Variants in CSNK1A1 observed in about 807,000 individuals in gnomAD.
CSNK1A1 encodes the protein casein kinase I isoform alpha.
Under a neutral mutation model 46.1 loss-of-function variants are expected in CSNK1A1, and 7 were observed. The observed-to-expected ratio is 0.15, with a 90% confidence interval of 0.09 to 0.29. The LOEUF is 0.29. CSNK1A1 is among the 10% of genes least tolerant of loss of function. The pLI is 1.00. For missense variants in CSNK1A1, 96 were observed against 417.1 expected, an observed-to-expected ratio of 0.23 and a Z score of 6.71; for synonymous variants, 137 against 141.5, an observed-to-expected ratio of 0.97 and a Z score of 0.23.
Position 149,550,402 on chromosome 5 carries a change from T to C in CSNK1A1, c.124-221A>G. 7.6e-7 allele frequency: 1 copy of C among 1,314,754 alleles called. No homozygotes were observed. Among genetic ancestry groups the C allele is most frequent in the East Asian group, 2.9e-5 (1 of 33,916 alleles). 81.4% of individuals were successfully genotyped at this position (1,314,754 alleles called of 1,614,324 possible). On this transcript the variant is annotated intron_variant, in intron 1 of 9. Coordinates refer to ENST00000377843, the MANE Select transcript of CSNK1A1 (RefSeq NM_001892.6). The surrounding 1 kb of genome is among the most constrained non-coding windows in gnomAD (Gnocchi z 4.3). Reference sequence around the variant, plus strand: ...GTACGTCCTCTAAAGTGCAGGAAAATGATTCATCCAGAAAAAAGAGGCAAC... The same window carrying C: ...GTACGTCCTCTAAAGTGCAGGAAAACGATTCATCCAGAAAAAAGAGGCAAC...
chr5:149,538,301 C>T (rs1762125870), intron 2 of CSNK1A1, among the ~76,000 whole-genome samples: 2 of 152,076 alleles, frequency 1.3e-5, no homozygotes, highest in Non-Finnish European at 2.9e-5. Context: ...GGATTACAGG[C>T]ATGAGCCACC....
chr5:149,529,789 C>A (rs578110544), intron 2 of CSNK1A1: 29 of 455,684 alleles, frequency 6.4e-5, no homozygotes, highest in Admixed American at 5.6e-4. Flanking sequence ...TAATTATTAG[C>A]CTTGGCATCA....
intron 2 of CSNK1A1, among the ~76,000 whole-genome samples, chr5:149,539,828 T>C (rs970628687): frequency 1.3e-5 from 2 of 152,158 alleles, no homozygotes; most frequent in African/African-American, 2.4e-5. Flanking sequence ...ATCAGCTGTG[T>C]GACTTTAGGC....
In CSNK1A1 at chr5:149,497,101, C is replaced by T. The variant is rs370728035; in HGVS notation, c.1007-241G>A. 5.0e-5 allele frequency: 63 copies of T among 1,266,094 alleles called. 1 individual carries two copies. In the African/African-American group the frequency reaches 8.4e-4, roughly 17 times the overall value. 78.4% of individuals were successfully genotyped at this position (1,266,094 alleles called of 1,614,324 possible). A position where few individuals can be genotyped will look rare whatever the true frequency, so the allele number is the denominator to read the frequency against. On this transcript the variant is annotated intron_variant, in intron 9 of 9. Transcript: ENST00000377843. The stretch of plus-strand genomic sequence containing the variant: ...GAGTGGTACAGTGAATTCAAAGCCT[C>T]TCAGCATACTAAAATAATTATTAGT...
At chr5:149,515,463 T>C (rs1761371799) in intron 4 of CSNK1A1, among the ~76,000 whole-genome samples, 1 of 152,176 alleles carries the variant, frequency 6.6e-6, no homozygotes. Context: ...ACTACAAATA[T>C]GTAAACACGA....
chr5:149,550,214 A>T lies in CSNK1A1; in HGVS notation c.124-33T>A, dbSNP rs1471812850. 1.2e-6 allele frequency: 2 copies of T among 1,608,616 alleles called. No homozygotes were observed. Among genetic ancestry groups the T allele is most frequent in the Non-Finnish European group, 1.7e-6 (2 of 1,177,340 alleles). ...GGAAAGAGGGGATGATGGCATCAAC[A>T]TCCCTACGGATTCAATGTCACTTAG... On this transcript the variant is annotated intron_variant, in intron 1 of 9. Coordinates refer to ENST00000377843, the MANE Select transcript of CSNK1A1 (RefSeq NM_001892.6). This position sits in a 1 kb window ranked among gnomAD's most constrained non-coding sequence, Gnocchi z 4.3.
chr5:149,501,470 C>T (rs1427803595), intron 9 of CSNK1A1: 22 of 985,382 alleles, frequency 2.2e-5, no homozygotes, highest in East Asian at 2.3e-4. Context: ...TAGACATAAA[C>T]GGTAGATGCA....
Position 149,520,338 on chromosome 5 carries a change from G to A in CSNK1A1, c.408C>T (p.Asp136=). The A allele has an allele frequency of 1.2e-6, 2 of 1,610,694 alleles. No individual in the cohort carries two copies. Residue 136 remains aspartate, a synonymous_variant, in exon 4 of 10, where the codon GAC becomes GAT. Transcript: ENST00000377843. The stretch of plus-strand genomic sequence containing the variant: ...CCATTAGGAAGTTATCTGGTTTAAT[G>A]TCTCTGTGTATAAAATTCTTTGTAT... The part of the protein sequence containing the change: ...YVHTKNFIHR[D]IKPDNFLMGI...
chr5:149,542,906 C>G (rs1299379918), intron 2 of CSNK1A1, among the ~76,000 whole-genome samples: 7 of 150,254 alleles, frequency 4.7e-5, no homozygotes, highest in African/African-American at 1.5e-4. Context: ...TGTTGGCCAG[C>G]CTGGTTTCGA....
intron 7 of CSNK1A1, 59 bp downstream of exon 7, chr5:149,509,820 T>C: frequency 7.8e-7 from 1 of 1,287,314 alleles, no homozygotes; most frequent in Non-Finnish European, 1.1e-6. Context: ...GGATTACAGG[T>C]GTGAGCCATT....
At chr5:149,502,067 C>A (rs371558420) in intron 9 of CSNK1A1, 5 of 984,052 alleles carry the variant, frequency 5.1e-6, no homozygotes, top group East Asian at 1.1e-4. Flanking sequence ...CAGAAGTCTG[C>A]CTATTATTTA....
At position 149,496,813 on chromosome 5, in the gene CSNK1A1, C is replaced by G. The variant is rs1335622769; in HGVS notation, c.*40G>C. On this transcript the variant is annotated 3_prime_UTR_variant, in exon 10 of 10. Coordinates refer to ENST00000377843, the MANE Select transcript of CSNK1A1 (RefSeq NM_001892.6). The stretch of plus-strand genomic sequence containing the variant: ...GATTTGGGGAGAAACAAATGCTGCT[C>G]CGATCATCTGCTCTGCTTCTTCTGT... 3 of 1,555,974 alleles carry G rather than the reference C, an allele frequency of 1.9e-6. No individual in the cohort carries two copies. Among genetic ancestry groups the G allele is most frequent in the Non-Finnish European group, 8.7e-7 (1 of 1,151,086 alleles).
chr5:149,528,490 T>C (rs1761789176), intron 2 of CSNK1A1, among the ~76,000 whole-genome samples: 1 of 152,220 alleles, frequency 6.6e-6, no homozygotes, highest in Non-Finnish European at 1.5e-5. Flanking sequence ...CTGGACTAAC[T>C]CATTCAGACA....
At chr5:149,514,227 TATC>T (rs750089638) in intron 4 of CSNK1A1, among the ~76,000 whole-genome samples, 1 of 152,252 alleles carries the variant, frequency 6.6e-6, no homozygotes, top group African/African-American at 2.4e-5. Context: ...CGTTTAGTGT[TATC>T]ATGTCTATAT....
intron 2 of CSNK1A1, among the ~76,000 whole-genome samples, chr5:149,532,858 T>TG (rs1561767048): frequency 6.6e-6 from 1 of 152,284 alleles, no homozygotes; most frequent in South Asian, 2.1e-4. Context: ...ATAGATCTCA[T>TG]GGGGGGTGGA....
At chr5:149,502,392 G>A in intron 9 of CSNK1A1, 10 of 802,584 alleles carry the variant, frequency 1.2e-5, no homozygotes, top group Non-Finnish European at 1.5e-5. Flanking sequence ...CCAGGCTGGA[G>A]TGCAGTGGCA....
intron 2 of CSNK1A1, among the ~76,000 whole-genome samples, chr5:149,539,004 A>G (rs778950041): frequency 2.6e-5 from 4 of 152,084 alleles, no homozygotes; most frequent in Non-Finnish European, 5.9e-5. Flanking sequence ...ACTTGGCACA[A>G]TAAGAAACAC....
Position 149,496,191 on chromosome 5 carries a change from CAG to C in CSNK1A1, c.*660_*661del, listed in dbSNP as rs1760649891. ...TACCAAGAACATTATAGAGTTAATG[CAG>C]AGTCCTAAGGATAATCTAGTAGTCA... On this transcript the variant is annotated 3_prime_UTR_variant, in exon 10 of 10. Coordinates refer to ENST00000377843, the MANE Select transcript of CSNK1A1 (RefSeq NM_001892.6). 1 of 152,378 alleles carries C rather than the reference CAG, an allele frequency of 6.6e-6. No individual in the cohort carries two copies. Among genetic ancestry groups the C allele is most frequent in the Non-Finnish European group, 1.5e-5 (1 of 68,002 alleles). The allele number at this position is 152,378 out of a possible 1,614,324, so 9.4% of individuals were successfully genotyped here.
At chr5:149,532,894 C>A (rs1761945561) in intron 2 of CSNK1A1, among the ~76,000 whole-genome samples, 2 of 152,036 alleles carry the variant, frequency 1.3e-5, no homozygotes, top group African/African-American at 4.8e-5. Flanking sequence ...GGTTAAGAGC[C>A]CCTGTTCCAA....
Sources: gnomAD v4.1 joint callset for allele counts (sites outside exome capture counted in the v4.1 genomes callset) on GRCh38, gnomAD v4.1.1 for gene constraint, Gnocchi (gnomAD v3.1) non-coding constraint, MANE v1.5 for transcripts, NCBI Gene and HGNC (gene_info 2026-07-23, HGNC 2026-07-21) for gene names.